TCF3: variants seen among roughly 807,000 people sequenced by gnomAD.
The protein encoded by TCF3 is transcription factor 3, also known as transcription factor E2-alpha.
In TCF3, 54 loss-of-function variants were observed where a neutral mutation model predicts 72.3. The observed-to-expected ratio is 0.75, with a 90% CI of 0.60 to 0.94. The LOEUF is 0.94. Ranked by LOEUF, TCF3 falls within the 40% of genes least tolerant of loss-of-function variation. The pLI, the probability that TCF3 is intolerant of heterozygous loss-of-function variation, is 0.00. For missense variants in TCF3, 1,078 were observed against 934.4 expected (o/e 1.15, Z -2.00); for synonymous variants, 525 against 412.6 (o/e 1.27, Z -3.30).
rs1568366291 is a variant in TCF3, at chr19:1,621,050, CGAG to C, written c.1015-7_1015-5del. On this transcript the variant is annotated splice_region_variant and splice_polypyrimidine_tract_variant and intron_variant, in intron 12 of 18. Coordinates refer to ENST00000262965, the MANE Select transcript of TCF3 (RefSeq NM_003200.5). ...TTGAGTGATCCGGGGAGTAGATCTG[CGAG>C]GAGGACCAGGAGAGATGGGCGGTCA... is the stretch of plus-strand genomic sequence containing the variant. The C allele has an allele frequency of 1.3e-6, 2 of 1,519,566 alleles. No homozygotes were observed. Among genetic ancestry groups the C allele is most frequent in the African/African-American group, 1.4e-5 (1 of 72,316 alleles). The allele number at this position is 1,519,566 out of a possible 1,614,324, so 94.1% of individuals were successfully genotyped here. A position where few individuals can be genotyped will look rare whatever the true frequency, so the allele number is the denominator to read the frequency against.
Position 1,646,810 on chromosome 19 carries a change from G to A in TCF3, c.73-383C>T, listed in dbSNP as rs75398647. Among the ~76,000 whole-genome samples the A allele has an allele frequency of 4.0e-3, 604 of 152,324 alleles. 1 individual carries two copies. Among genetic ancestry groups the A allele is most frequent in the Middle Eastern group, 0.02 (6 of 294 alleles). On this transcript the variant is annotated intron_variant, in intron 2 of 18. Coordinates refer to ENST00000262965, the MANE Select transcript of TCF3 (RefSeq NM_003200.5). ...GACAGTGATACAAAGTTGTCTTTACGTTTCAGCTCTGAAAAGTGAGAGGTT... is the reference window on the plus strand; with the variant it reads ...GACAGTGATACAAAGTTGTCTTTACATTTCAGCTCTGAAAAGTGAGAGGTT...
At chr19:1,645,274 C>T (rs753725865) in intron 3 of TCF3, among the ~76,000 whole-genome samples, 13 of 152,072 alleles carry the variant, frequency 8.5e-5, no homozygotes, top group Non-Finnish European at 1.6e-4. Context: ...CAACCCGAGG[C>T]CCCCACTCCC....
In TCF3 at chr19:1,650,255, G is replaced by T; in HGVS notation, c.-7C>A. ...TCCTCTGCGGCTGGTTCATTCTCCT[G>T]GGGCCAGGGCGGGCACCTCAGGCCT... On this transcript the variant is annotated 5_prime_UTR_variant, in exon 2 of 19. Coordinates refer to ENST00000262965, the MANE Select transcript of TCF3 (RefSeq NM_003200.5). 1.3e-6 allele frequency: 2 copies of T among 1,559,272 alleles called. No individual in the cohort carries two copies. Among genetic ancestry groups the T allele is most frequent in the African/African-American group, 1.3e-5 (1 of 74,274 alleles).
In TCF3 at chr19:1,621,853, C is replaced by A. The variant is rs1392535448; in HGVS notation, c.940G>T (p.Ala314Ser). 1 of 1,591,124 alleles carries A rather than the reference C, an allele frequency of 6.3e-7. No homozygotes were observed. The highest frequency in any genetic ancestry group is 8.5e-7 in the Non-Finnish European group (1 of 1,170,348). Reference sequence around the variant, plus strand: ...GGGGCCATACCCAGGAGGCTGTCGGCCCCGCTGACAGGCGGCGTGTGGCTG... The same window carrying A: ...GGGGCCATACCCAGGAGGCTGTCGGACCCGCTGACAGGCGGCGTGTGGCTG... The part of the protein sequence containing the change: ...VSSHTPPVSG[A>S]DSLLGSRGTT... The change falls in exon 11 of 19, where the codon GCC becomes TCC. Residue 314 changes from alanine to serine, a missense_variant. Physicochemically the swap from Ala to Ser is moderately conservative, Grantham distance 99. Transcript: ENST00000262965.
intron 8 of TCF3, among the ~76,000 whole-genome samples, chr19:1,622,849 T>C (rs570893792): frequency 6.0e-4 from 91 of 152,274 alleles, no homozygotes; most frequent in Non-Finnish European, 1.0e-3. Flanking sequence ...CGTCCTTCAC[T>C]AAAGTAACAG....
intron 1 of TCF3, among the ~76,000 whole-genome samples, chr19:1,651,930 C>G (rs561129554): frequency 1.3e-5 from 2 of 151,076 alleles, no homozygotes; most frequent in Non-Finnish European, 3.0e-5. Flanking sequence ...CCCCCTCTAC[C>G]CGAGAAAGGG....
At position 1,621,933 on chromosome 19, in the gene TCF3, A is replaced by T; in HGVS notation, c.860T>A (p.Leu287His). ...QLHGAEVNGG[L>H]PSASSFSSAP... is the part of the protein sequence containing the mutation. ...TGAGGAGAAGGAGGATGCAGATGGG[A>T]GCCCACCGTTCACCTCTGCTCCATG... Residue 287 changes from leucine to histidine, a missense_variant, in exon 11 of 19, where the codon CTC (leucine) becomes CAC (histidine). Coordinates refer to ENST00000262965, the MANE Select transcript of TCF3 (RefSeq NM_003200.5). 6.2e-7 allele frequency: 1 copy of T among 1,605,724 alleles called. No individual in the cohort carries two copies. Among genetic ancestry groups the T allele is most frequent in the Non-Finnish European group, 8.5e-7 (1 of 1,177,198 alleles).
chr19:1,617,538 A>G (rs1052239692), intron 16 of TCF3, among the ~76,000 whole-genome samples: 8 of 152,210 alleles, frequency 5.3e-5, no homozygotes, highest in Non-Finnish European at 1.2e-4. Context: ...TCCAGGAATC[A>G]GTCAGGGCTC....
rs1480897926 is a variant in TCF3 at position 1,629,109 on chromosome 19, G to GA, written c.299-1684_299-1683insT. On this transcript the variant is annotated intron_variant, in intron 5 of 18. Transcript: ENST00000262965. ...GGAAGGGGACAGCAGAGCTCACGGG[G>GA]TGAGGCGGGAAGGGGACAGCAGAGC... Among the ~76,000 whole-genome samples, 6 of 147,976 alleles carry GA rather than the reference G, an allele frequency of 4.1e-5. 1 individual carries two copies. The highest frequency in any genetic ancestry group is 1.5e-4 in the African/African-American group (6 of 39,878).
chr19:1,631,807 C>T, intron 5 of TCF3: 2 of 1,158,218 alleles, frequency 1.7e-6, no homozygotes, highest in South Asian at 3.0e-5. Flanking sequence ...GCCTCCCTGC[C>T]TCTACGCTCA....
intron 6 of TCF3, 104 bp downstream of exon 6, chr19:1,627,255 A>C: frequency 1.4e-6 from 1 of 711,692 alleles, no homozygotes; most frequent in Non-Finnish European, 2.0e-6. Flanking sequence ...ATCAGGAAGC[A>C]AACATAACCT....
chr19:1,647,710 G>C (rs1240566410), intron 2 of TCF3, among the ~76,000 whole-genome samples: 1 of 152,198 alleles, frequency 6.6e-6, no homozygotes, highest in African/African-American at 2.4e-5. Context: ...ACAGCCAACT[G>C]CATTTCTATC....
chr19:1,639,010 A>C (rs949216667), intron 3 of TCF3, among the ~76,000 whole-genome samples: 1 of 152,246 alleles, frequency 6.6e-6, no homozygotes, highest in African/African-American at 2.4e-5. Context: ...ACAAAAAGGA[A>C]GGGTTGCAAC....
intron 5 of TCF3, 146 bp downstream of exon 5, chr19:1,631,892 C>CCCAGG: frequency 6.5e-7 from 1 of 1,527,872 alleles, no homozygotes; most frequent in Non-Finnish European, 8.8e-7. Context: ...CGCAGCTGCT[C>CCCAGG]CCAGGACGGG....
rs1307085237 is a variant in TCF3, at chr19:1,631,833, T to A, written c.298+205A>T. 2.2e-6 allele frequency: 3 copies of A among 1,359,634 alleles called. No individual in the cohort carries two copies. In the East Asian group the frequency reaches 7.6e-5, roughly 34 times the overall value. The allele number at this position is 1,359,634 out of a possible 1,614,324, so 84.2% of individuals were successfully genotyped here. A position where few individuals can be genotyped will look rare whatever the true frequency, so the allele number is the denominator to read the frequency against. On this transcript the variant is annotated intron_variant, in intron 5 of 18. Coordinates refer to ENST00000262965, the MANE Select transcript of TCF3 (RefSeq NM_003200.5). ...TCTACGCTCAGGCGGGGAAGCCTAG[T>A]TGCAGAGTGCCGTGCCAGGGAGTCC...
chr19:1,627,100 A>C (rs991808385), intron 6 of TCF3, among the ~76,000 whole-genome samples: 1 of 152,040 alleles, frequency 6.6e-6, no homozygotes, highest in Admixed American at 6.5e-5. Flanking sequence ...CCTGCCTGCC[A>C]CTCAGAGGAG....
At chr19:1,647,576 G>A (rs866640648) in intron 2 of TCF3, among the ~76,000 whole-genome samples, 12 of 152,194 alleles carry the variant, frequency 7.9e-5, no homozygotes, top group Middle Eastern at 3.2e-3. Flanking sequence ...TGGCACCCGC[G>A]CTGAAGGCAG....
At chr19:1,641,939 C>T (rs1432554321) in intron 3 of TCF3, among the ~76,000 whole-genome samples, 1 of 151,792 alleles carries the variant, frequency 6.6e-6, no homozygotes, top group Non-Finnish European at 1.5e-5. Context: ...CAGCTGCTCA[C>T]AAGGCTGAGG....
intron 2 of TCF3, among the ~76,000 whole-genome samples, chr19:1,649,386 G>C (rs930037444): frequency 1.3e-5 from 2 of 152,126 alleles, no homozygotes; most frequent in South Asian, 4.1e-4. Flanking sequence ...GTTCACGGAG[G>C]GTGGTCCGCT....
Sources: allele counts gnomAD v4.1 joint callset (sites outside exome capture counted in the v4.1 genomes callset), GRCh38; gene constraint gnomAD v4.1.1; transcripts MANE v1.5; gene names NCBI Gene and HGNC (gene_info 2026-07-23, HGNC 2026-07-21).